Variants in CCDC192 observed in about 807,000 individuals in gnomAD.
The protein encoded by CCDC192 is coiled-coil domain-containing protein 192.
chr5:127,747,426 G>A (rs2126855033), intron 2 of CCDC192, among the ~76,000 whole-genome samples: 1 of 152,208 alleles, frequency 6.6e-6, no homozygotes, highest in South Asian at 2.1e-4. Flanking sequence ...TCCCTACAAA[G>A]GACATGAACT....
chr5:127,808,340 A>G (rs1197416415), intron 5 of CCDC192, among the ~76,000 whole-genome samples: 1 of 151,844 alleles, frequency 6.6e-6, no homozygotes, highest in Non-Finnish European at 1.5e-5. Flanking sequence ...TTTTTTTTCA[A>G]GCTACACTAA....
intron 3 of CCDC192, among the ~76,000 whole-genome samples, chr5:127,779,090 GT>G (rs1192468376): frequency 2.6e-5 from 4 of 151,556 alleles, no homozygotes; most frequent in African/African-American, 9.7e-5. Context: ...GATTATCTCT[GT>G]TTTTTTATTC....
At chr5:127,798,877 A>G (rs1188027751) in intron 5 of CCDC192, among the ~76,000 whole-genome samples, 3 of 152,058 alleles carry the variant, frequency 2.0e-5, no homozygotes, top group Admixed American at 2.0e-4. Context: ...GGCAAATTTC[A>G]TTTGCACACT....
intron 3 of CCDC192, among the ~76,000 whole-genome samples, chr5:127,766,433 A>G (rs76465540): frequency 0.06 from 9,074 of 152,042 alleles, 615 homozygotes; most frequent in East Asian, 0.29. Flanking sequence ...AAACAAAACA[A>G]AACAAAAACC....
intron 2 of CCDC192, among the ~76,000 whole-genome samples, chr5:127,752,869 C>A (rs1350390376): frequency 6.6e-6 from 1 of 152,126 alleles, no homozygotes; most frequent in African/African-American, 2.4e-5. Flanking sequence ...GGGAGTGACC[C>A]GATTTTCCAG....
rs60854127 is a variant in CCDC192 at position 127,912,419 on chromosome 5, C to CAAAAAAAAA, written c.536-28750_536-28742dup. Among the ~76,000 whole-genome samples the CAAAAAAAAA allele has an allele frequency of 9.5e-4, 77 of 81,428 alleles. 10 individuals are homozygous for CAAAAAAAAA. The highest frequency in any genetic ancestry group is 3.2e-3 in the African/African-American group (64 of 19,808). The allele number at this position is 81,428 out of a possible 152,430, so 53.4% of individuals were successfully genotyped here. On this transcript the variant is annotated intron_variant, in intron 6 of 6. Coordinates refer to ENST00000514853, the MANE Select transcript of CCDC192 (RefSeq NM_001317938.2). ...AGTGAGAATAGATTCCTGGGTTTAG[C>CAAAAAAAAA]AAAAAAAAAAAAAAAAAAAAATGAA... is the stretch of plus-strand genomic sequence containing the variant.
chr5:127,854,383 C>T (rs1263751563), intron 5 of CCDC192, among the ~76,000 whole-genome samples: 27 of 152,086 alleles, frequency 1.8e-4, no homozygotes, highest in Admixed American at 1.7e-3. Context: ...CAGTAGAGTA[C>T]AATAAGATAA....
rs147396722 is a variant in CCDC192, at chr5:127,808,808, G to A, written c.411+10646G>A. 3.8e-3 allele frequency among the ~76,000 whole-genome samples: 582 copies of A among 152,228 alleles called. 3 individuals are homozygous for A. The highest frequency in any genetic ancestry group is 0.013 in the African/African-American group (550 of 41,544). On this transcript the variant is annotated intron_variant, in intron 5 of 6. Coordinates refer to ENST00000514853, the MANE Select transcript of CCDC192 (RefSeq NM_001317938.2). ...TTGAGTTCCCCAGGTTCTGGGACTTGGCTTTATTCATATACAGTTCTTGAC... is the reference window on the plus strand; with the variant it reads ...TTGAGTTCCCCAGGTTCTGGGACTTAGCTTTATTCATATACAGTTCTTGAC...
intron 5 of CCDC192, among the ~76,000 whole-genome samples, chr5:127,835,283 A>G (rs866731327): frequency 6.6e-6 from 1 of 152,250 alleles, no homozygotes; most frequent in African/African-American, 2.4e-5. Flanking sequence ...GAAACACTCC[A>G]TATGGTTCAG....
chr5:127,761,513 G>A (rs887560481), intron 3 of CCDC192, among the ~76,000 whole-genome samples: 7 of 152,130 alleles, frequency 4.6e-5, no homozygotes, highest in African/African-American at 1.2e-4. Context: ...TTGAGAAGCT[G>A]GTGACTGTAG....
At chr5:127,777,944 G>A (rs1755966204) in intron 3 of CCDC192, among the ~76,000 whole-genome samples, 1 of 151,098 alleles carries the variant, frequency 6.6e-6, no homozygotes, top group Admixed American at 6.6e-5. Flanking sequence ...GTCTTTATTA[G>A]CAGCAGGAAA....
intron 6 of CCDC192, among the ~76,000 whole-genome samples, chr5:127,940,044 G>T (rs1580849615): frequency 6.6e-6 from 1 of 152,142 alleles, no homozygotes; most frequent in African/African-American, 2.4e-5. Context: ...ACTGCTAAAG[G>T]CTAGTAAGAT....
At chr5:127,924,014 A>G (rs898664071) in intron 6 of CCDC192, among the ~76,000 whole-genome samples, 2 of 152,246 alleles carry the variant, frequency 1.3e-5, no homozygotes, top group Non-Finnish European at 2.9e-5. Context: ...TTTCCATTGT[A>G]TAAGTTGCTG....
chr5:127,786,526 A>T (rs1408341077), intron 3 of CCDC192: 4 of 639,180 alleles, frequency 6.3e-6, no homozygotes, highest in South Asian at 1.8e-5. Flanking sequence ...TTACCTGTTT[A>T]TTCAGTGGCC....
At chr5:127,753,870 T>A (rs796489930) in intron 2 of CCDC192, among the ~76,000 whole-genome samples, 2 of 152,158 alleles carry the variant, frequency 1.3e-5, no homozygotes, top group Non-Finnish European at 2.9e-5. Context: ...CTGAGTTCAG[T>A]TGACTCTGTT....
intron 6 of CCDC192, among the ~76,000 whole-genome samples, chr5:127,936,506 C>T (rs928125560): frequency 6.6e-6 from 1 of 152,210 alleles, no homozygotes; most frequent in Non-Finnish European, 1.5e-5. Context: ...TTCCCACCGG[C>T]CATCCCCTAT....
intron 6 of CCDC192, among the ~76,000 whole-genome samples, chr5:127,924,597 C>T (rs961548303): frequency 1.3e-5 from 2 of 152,156 alleles, no homozygotes. Context: ...TATGTTGTGA[C>T]CCCAGATCAG....
At chr5:127,941,125 G>T in intron 6 of CCDC192, 57 bp from the exon 7 acceptor site, 2 of 398,704 alleles carry the variant, frequency 5.0e-6, no homozygotes, top group South Asian at 2.6e-4. Context: ...TCCTTGCTTT[G>T]ACTTCTGGGA....
rs111996717 is a variant in CCDC192 at position 127,719,548 on chromosome 5, T to C, written c.114+11788T>C. ...ATACACACATACATATATATATATATATATATATATACACACATACATATA... is the reference window on the plus strand; with the variant it reads ...ATACACACATACATATATATATATACATATATATATACACACATACATATA... On this transcript the variant is annotated intron_variant, in intron 2 of 6. Transcript: ENST00000514853. Among the ~76,000 whole-genome samples, 525 of 36,316 alleles carry C rather than the reference T, an allele frequency of 0.014. 32 individuals are homozygous for C. The Middle Eastern group carries it at 0.24, about 17-fold the overall frequency. The allele number at this position is 36,316 out of a possible 152,430, so 23.8% of individuals were successfully genotyped here. A position where few individuals can be genotyped will look rare whatever the true frequency, so the allele number is the denominator to read the frequency against.
Sources: gnomAD v4.1 joint callset for allele counts (sites outside exome capture counted in the v4.1 genomes callset) on GRCh38, gnomAD v4.1.1 for gene constraint, MANE v1.5 for transcripts, NCBI Gene and HGNC (gene_info 2026-07-23, HGNC 2026-07-21) for gene names.